The following SLC17A9 variants were observed in gnomAD, a reference collection of about 807,000 sequenced individuals.
SLC17A9 encodes the protein voltage-gated purine nucleotide uniporter SLC17A9.
SLC17A9 carries 49 observed loss-of-function variants against 55.0 expected under a neutral mutation model. The observed-to-expected ratio is 0.89, with a 90% CI of 0.71 to 1.13. The LOEUF (loss-of-function observed/expected upper bound fraction) is 1.13, where lower values mean the gene tolerates loss of function less well. Ranked by LOEUF, SLC17A9 falls within the 50% of genes most tolerant of loss-of-function variation. The pLI is 0.00. For missense variants in SLC17A9, 526 were observed against 569.3 expected, an observed-to-expected ratio of 0.92 and a Z score of 0.77; for synonymous variants, 256 against 247.4, an observed-to-expected ratio of 1.03 and a Z score of -0.32.
intron 7 of SLC17A9, 169 bp from the exon 8 acceptor site, chr20:62,964,059 C>T: frequency 1.4e-6 from 1 of 708,984 alleles, no homozygotes; most frequent in Non-Finnish European, 2.5e-6. Flanking sequence ...GTCTTGCTGC[C>T]CTGCCGGGTG....
intron 1 of SLC17A9, chr20:62,953,311 T>G (rs1568908928): frequency 1.3e-6 from 2 of 1,530,340 alleles, no homozygotes; most frequent in Admixed American, 3.9e-5. Flanking sequence ...TGGACGGGGT[T>G]GGGGGGGGTC....
intron 1 of SLC17A9, among the ~76,000 whole-genome samples, chr20:62,955,129 G>GT (rs963528839): frequency 1.5e-3 from 231 of 149,890 alleles, no homozygotes; most frequent in South Asian, 1.7e-3. Context: ...GCTAATTGTT[G>GT]TTTTTTTTTC....
At chr20:62,960,016 T>C (rs910934) in intron 3 of SLC17A9, among the ~76,000 whole-genome samples, 104,235 of 152,282 alleles carry the variant, frequency 0.68, 39,487 homozygotes, top group East Asian at 0.99. Flanking sequence ...GGCAGCTTTC[T>C]TGGGGGAAGT....
At chr20:62,953,098 G>T in intron 1 of SLC17A9, 1 of 1,346,598 alleles carries the variant, frequency 7.4e-7, no homozygotes, top group South Asian at 1.3e-5. Context: ...TCCAGGACCG[G>T]ACCTGGCAAG....
intron 4 of SLC17A9, among the ~76,000 whole-genome samples, chr20:62,961,638 C>G (rs1386387010): frequency 6.6e-6 from 1 of 152,126 alleles, no homozygotes; most frequent in Non-Finnish European, 1.5e-5. Flanking sequence ...TAGGTGGGGC[C>G]GGGAGCAGGC....
rs751723052 is a variant in SLC17A9, at chr20:62,963,641, G to C, written c.783G>C (p.Trp261Cys). Reference sequence around the variant, plus strand: ...GCTCCTTCTTCATCCTCCTCTCCTGGCTGCCCACCTTCTTCGAGGAGACCT... The same window carrying C: ...GCTCCTTCTTCATCCTCCTCTCCTGCCTGCCCACCTTCTTCGAGGAGACCT... ...AACSFFILLS[W>C]LPTFFEETFP... The change falls in exon 7 of 13, where the codon TGG becomes TGC. Residue 261 changes from tryptophan to cysteine, a missense_variant. Coordinates refer to ENST00000370351, the MANE Select transcript of SLC17A9 (RefSeq NM_022082.4). 1 of 1,603,576 alleles carries C rather than the reference G, an allele frequency of 6.2e-7. No individual in the cohort carries two copies. Among genetic ancestry groups the C allele is most frequent in the Non-Finnish European group, 8.5e-7 (1 of 1,175,172 alleles).
chr20:62,965,612 C>T lies in SLC17A9; in HGVS notation c.948C>T (p.Gly316=). 1 of 1,612,448 alleles carries T rather than the reference C, an allele frequency of 6.2e-7. No homozygotes were observed. Among genetic ancestry groups the T allele is most frequent in the Non-Finnish European group, 8.5e-7 (1 of 1,179,910 alleles). The change falls in exon 10 of 13, where the codon GGC becomes GGT. Residue 316 remains glycine, a splice_region_variant and synonymous_variant. Transcript: ENST00000370351. The part of the protein sequence containing the change: ...RAITVRKLMQ[G]MGLGLSSVFA... Reference sequence around the variant, plus strand: ...GTCACGGTGGCGCTTTCCTGCAGGGCATGGGCCTTGGCCTCTCCAGCGTCT... The same window carrying T: ...GTCACGGTGGCGCTTTCCTGCAGGGTATGGGCCTTGGCCTCTCCAGCGTCT...
intron 1 of SLC17A9, among the ~76,000 whole-genome samples, chr20:62,953,558 C>T (rs1323380889): frequency 1.3e-5 from 2 of 152,260 alleles, no homozygotes; most frequent in African/African-American, 4.8e-5. Flanking sequence ...AGCCCCCACA[C>T]TGCTGAACCC....
intron 1 of SLC17A9, among the ~76,000 whole-genome samples, chr20:62,955,129 GTTTTTTTTTC>G (rs1266116445): frequency 2.0e-5 from 3 of 149,802 alleles, no homozygotes; most frequent in Non-Finnish European, 4.5e-5. Context: ...GCTAATTGTT[GTTTTTTTTTC>G]TTTTTTTTTT....
intron 9 of SLC17A9, 36 bp downstream of exon 9, chr20:62,965,202 C>T (rs865921937): frequency 6.2e-7 from 1 of 1,613,852 alleles, no homozygotes; most frequent in Non-Finnish European, 8.5e-7. Context: ...CTCTGGATAT[C>T]CCTGCTTTGT....
At chr20:62,965,804 T>G in intron 10 of SLC17A9, 79 bp downstream of exon 10, 1 of 1,325,400 alleles carries the variant, frequency 7.5e-7, no homozygotes, top group Non-Finnish European at 1.1e-6. Context: ...GAGGGAGCTC[T>G]GTCCGCCTCT....
In SLC17A9 at chr20:62,965,649, C is replaced by T; in HGVS notation, c.985C>T (p.Leu329=). 1 of 1,613,966 alleles carries T rather than the reference C, an allele frequency of 6.2e-7. No homozygotes were observed. Among genetic ancestry groups the T allele is most frequent in the Non-Finnish European group, 8.5e-7 (1 of 1,180,026 alleles). Residue 329 remains leucine, a synonymous_variant, in exon 10 of 13, where the codon CTG becomes TTG. Transcript: ENST00000370351. ...LGLSSVFALC[L]GHTSSFCESV... ...CCTCTCCAGCGTCTTTGCTCTGTGC[C>T]TGGGCCACACCTCCAGCTTCTGTGA...
intron 3 of SLC17A9, among the ~76,000 whole-genome samples, chr20:62,959,638 C>T (rs935230011): frequency 1.3e-5 from 2 of 152,186 alleles, no homozygotes; most frequent in African/African-American, 4.8e-5. Flanking sequence ...CAGCCTCCCT[C>T]GAGGGAGCGA....
intron 1 of SLC17A9, among the ~76,000 whole-genome samples, chr20:62,954,396 T>A (rs907158815): frequency 3.3e-5 from 5 of 152,230 alleles, no homozygotes; most frequent in African/African-American, 1.2e-4. Context: ...AGTTCCCTTT[T>A]CTGAATGGAG....
intron 7 of SLC17A9, 103 bp from the exon 8 acceptor site, chr20:62,964,125 C>G: frequency 8.5e-7 from 1 of 1,176,496 alleles, no homozygotes. Flanking sequence ...GAGAGCTTTC[C>G]TGGGCAGTGG....
chr20:62,967,063 G>A (rs1381782205), intron 12 of SLC17A9: 6 of 576,214 alleles, frequency 1.0e-5, no homozygotes, highest in South Asian at 4.5e-5. Context: ...CGCCTGGGCC[G>A]GCCTGTGGCT....
At position 62,965,702 on chromosome 20, in the gene SLC17A9, C is replaced by A. The variant is rs750714343; in HGVS notation, c.1038C>A (p.Ile346=). The change falls in exon 10 of 13, where the codon ATC becomes ATA. Residue 346 remains isoleucine, a synonymous_variant. Coordinates refer to ENST00000370351, the MANE Select transcript of SLC17A9 (RefSeq NM_022082.4). ...CESVVFASAS[I]GLQTFNHSGI... is the part of the protein sequence containing the mutation. ...CTGTGGTCTTTGCATCAGCCTCCAT[C>A]GGCCTCCAGACCTTCAACCACAGGT... The A allele has an allele frequency of 3.8e-5, 62 of 1,613,782 alleles. No homozygotes were observed. The highest frequency in any genetic ancestry group is 5.1e-5 in the Non-Finnish European group (60 of 1,180,028).
Position 62,965,682 on chromosome 20 carries a change from G to A in SLC17A9, c.1018G>A (p.Val340Ile), listed in dbSNP as rs2065631031. 2 of 1,613,982 alleles carry A rather than the reference G, an allele frequency of 1.2e-6. No homozygotes were observed. Among genetic ancestry groups the A allele is most frequent in the East Asian group, 4.5e-5 (2 of 44,882 alleles). The change falls in exon 10 of 13, where the codon GTC (valine) becomes ATC (isoleucine). Residue 340 changes from valine (V) to isoleucine (I), a missense_variant. Val to Ile is a conservative substitution (Grantham distance 29). Coordinates refer to ENST00000370351, the MANE Select transcript of SLC17A9 (RefSeq NM_022082.4). ...GHTSSFCESV[V>I]FASASIGLQT... Reference sequence around the variant, plus strand: ...CACCTCCAGCTTCTGTGAGTCTGTGGTCTTTGCATCAGCCTCCATCGGCCT... The same window carrying A: ...CACCTCCAGCTTCTGTGAGTCTGTGATCTTTGCATCAGCCTCCATCGGCCT...
chr20:62,962,813 C>G lies in SLC17A9; in HGVS notation c.628+59C>G, dbSNP rs1232502581. 6.3e-7 allele frequency: 1 copy of G among 1,596,394 alleles called. No homozygotes were observed. Among genetic ancestry groups the G allele is most frequent in the African/African-American group, 1.3e-5 (1 of 74,546 alleles). ...CCACAGCTGCCCAGTGCCTCCTCCC[C>G]TGGTGGCAGCCGCTGAGCAGCCTGG... is the stretch of plus-strand genomic sequence containing the variant. On this transcript the variant is annotated intron_variant, in intron 5 of 12. Transcript: ENST00000370351. This position sits in a 1 kb window ranked among gnomAD's most constrained non-coding sequence, Gnocchi z 5.5.
Sources: allele counts gnomAD v4.1 joint callset (sites outside exome capture counted in the v4.1 genomes callset), GRCh38; gene constraint gnomAD v4.1.1; non-coding constraint Gnocchi (gnomAD v3.1); transcripts MANE v1.5; gene names NCBI Gene and HGNC (gene_info 2026-07-23, HGNC 2026-07-21).